Variants in C8orf34 observed in about 807,000 individuals in gnomAD.
C8orf34 encodes chromosome 8 open reading frame 34, also known as uncharacterized protein C8orf34.
C8orf34 carries 65 observed loss-of-function variants against 68.3 expected under a neutral mutation model. That is an observed-to-expected ratio of 0.95 (90% CI 0.78 to 1.17). The LOEUF (loss-of-function observed/expected upper bound fraction) is 1.17, where lower values mean the gene tolerates loss of function less well. Ranked by LOEUF, C8orf34 falls within the 50% of genes most tolerant of loss-of-function variation. C8orf34 has a pLI of 0.00. For synonymous variants in C8orf34, 244 were observed against 241.2 expected, an observed-to-expected ratio of 1.01 and a Z score of -0.11; for missense variants, 664 against 655.4, an observed-to-expected ratio of 1.01 and a Z score of -0.14.
chr8:68,458,861 A>G (rs566875801), intron 3 of C8orf34, among the ~76,000 whole-genome samples: 1 of 152,310 alleles, frequency 6.6e-6, no homozygotes, highest in African/African-American at 2.4e-5. Flanking sequence ...CAGATGAGGC[A>G]GCTGCGTTCA....
chr8:68,769,697 A>G (rs1305237687), intron 10 of C8orf34, among the ~76,000 whole-genome samples: 6 of 152,168 alleles, frequency 3.9e-5, no homozygotes, highest in African/African-American at 1.4e-4. Flanking sequence ...GATTCTGTGT[A>G]CATCCAGAGT....
intron 4 of C8orf34, among the ~76,000 whole-genome samples, chr8:68,470,629 G>T (rs1812340601): frequency 6.6e-6 from 1 of 152,068 alleles, no homozygotes; most frequent in African/African-American, 2.4e-5. Context: ...ATTAACAACA[G>T]AAATTTGTTT....
In C8orf34 at chr8:68,521,971, G is replaced by A. The variant is rs1271956789; in HGVS notation, c.938G>A (p.Ser313Asn). 2.1e-5 allele frequency: 34 copies of A among 1,613,250 alleles called. No homozygotes were observed. Among genetic ancestry groups the A allele is most frequent in the Non-Finnish European group, 2.9e-5 (34 of 1,179,594 alleles). The stretch of plus-strand genomic sequence containing the variant: ...GATAGTGGCTCTAGTCCTGCAGGAA[G>A]GTGAGATGAGCTGTCTGCTGAGATT... ...SEDSGSSPAG[S>N]LKMEPKNKGL... The change falls in exon 6 of 14, where the codon AGC (serine) becomes AAC (asparagine). Residue 313 changes from serine to asparagine, a missense_variant and splice_region_variant. Transcript: ENST00000518698.
At chr8:68,509,161 AG>A (rs1814153114) in intron 5 of C8orf34, among the ~76,000 whole-genome samples, 1 of 152,168 alleles carries the variant, frequency 6.6e-6, no homozygotes, top group Admixed American at 6.5e-5. Flanking sequence ...TCCTGCTGAC[AG>A]GGGGCACTGT....
intron 10 of C8orf34, among the ~76,000 whole-genome samples, chr8:68,753,487 A>G (rs1431842472): frequency 6.6e-6 from 1 of 152,210 alleles, no homozygotes; most frequent in Admixed American, 6.5e-5. Flanking sequence ...CAGTTTAGAG[A>G]TAGGAGAGCT....
At chr8:68,651,425 G>A (rs921366595) in intron 8 of C8orf34, among the ~76,000 whole-genome samples, 3 of 152,084 alleles carry the variant, frequency 2.0e-5, no homozygotes, top group Non-Finnish European at 4.4e-5. Context: ...CCTTCATTCA[G>A]GGTAAACTCC....
At chr8:68,790,440 A>T (rs1823961378) in intron 12 of C8orf34, among the ~76,000 whole-genome samples, 1 of 152,208 alleles carries the variant, frequency 6.6e-6, no homozygotes, top group South Asian at 2.1e-4. Context: ...CTCTTGAGAC[A>T]AGATCATCTT....
At chr8:68,719,310 A>G (rs796450682) in intron 9 of C8orf34, among the ~76,000 whole-genome samples, 3 of 152,172 alleles carry the variant, frequency 2.0e-5, no homozygotes, top group African/African-American at 7.2e-5. Flanking sequence ...TTGTCCCTTC[A>G]TCCTAAGCTC....
At chr8:68,811,161 G>A (rs1251610728) in intron 12 of C8orf34, among the ~76,000 whole-genome samples, 3 of 152,214 alleles carry the variant, frequency 2.0e-5, no homozygotes, top group African/African-American at 7.2e-5. Flanking sequence ...GCTTGTCGGT[G>A]CTCAAAATCT....
chr8:68,465,811 G>A (rs897633596), intron 3 of C8orf34, among the ~76,000 whole-genome samples: 1 of 150,732 alleles, frequency 6.6e-6, no homozygotes, highest in Non-Finnish European at 1.5e-5. Flanking sequence ...TGGGGTGGGG[G>A]CAGGGGGGAG....
At chr8:68,513,623 G>T (rs896241295) in intron 5 of C8orf34, among the ~76,000 whole-genome samples, 1 of 152,204 alleles carries the variant, frequency 6.6e-6, no homozygotes, top group African/African-American at 2.4e-5. Flanking sequence ...GAAAAAAACA[G>T]CTTAAATATG....
chr8:68,491,037 G>A (rs1813290991), intron 5 of C8orf34, among the ~76,000 whole-genome samples: 1 of 151,982 alleles, frequency 6.6e-6, no homozygotes, highest in African/African-American at 2.4e-5. Flanking sequence ...AACAATTTTG[G>A]GGATTCACTA....
intron 10 of C8orf34, among the ~76,000 whole-genome samples, chr8:68,739,175 GAACTA>G (rs1200166208): frequency 6.6e-6 from 1 of 151,954 alleles, no homozygotes; most frequent in African/African-American, 2.4e-5. Context: ...CACATAAACA[GAACTA>G]AACAAGAAAC....
chr8:68,520,367 GTAT>G (rs1306745789), intron 5 of C8orf34, among the ~76,000 whole-genome samples: 14 of 152,116 alleles, frequency 9.2e-5, no homozygotes, highest in African/African-American at 3.4e-4. Context: ...AGATTATATT[GTAT>G]TATATTCTGT....
chr8:68,700,751 T>A (rs939810174), intron 8 of C8orf34, among the ~76,000 whole-genome samples: 9 of 152,052 alleles, frequency 5.9e-5, no homozygotes, highest in Non-Finnish European at 1.2e-4. Flanking sequence ...CCCCCATAAA[T>A]TTTTGATGTT....
intron 1 of C8orf34, among the ~76,000 whole-genome samples, chr8:68,426,247 G>A (rs771507369): frequency 2.6e-5 from 4 of 151,990 alleles, no homozygotes; most frequent in East Asian, 1.9e-4. Flanking sequence ...GGCCGGGTGC[G>A]TGGCTCACAC....
chr8:68,732,119 A>G (rs1821994676), intron 10 of C8orf34, among the ~76,000 whole-genome samples: 1 of 152,248 alleles, frequency 6.6e-6, no homozygotes. Flanking sequence ...CAAAAATCAC[A>G]GTCAGTGTCT....
intron 10 of C8orf34, among the ~76,000 whole-genome samples, chr8:68,755,483 C>T (rs150611587): frequency 6.6e-6 from 1 of 152,110 alleles, no homozygotes; most frequent in Non-Finnish European, 1.5e-5. Context: ...ATCTTCATAC[C>T]AATCCTATGT....
chr8:68,361,251 C>T (rs573140058), intron 1 of C8orf34, among the ~76,000 whole-genome samples: 1 of 152,152 alleles, frequency 6.6e-6, no homozygotes, highest in Non-Finnish European at 1.5e-5. Context: ...CATAGAGAGG[C>T]TCACCTAGGG....
Sources: allele counts gnomAD v4.1 joint callset (sites outside exome capture counted in the v4.1 genomes callset), GRCh38; gene constraint gnomAD v4.1.1; transcripts MANE v1.5; gene names NCBI Gene and HGNC (gene_info 2026-07-23, HGNC 2026-07-21).